MROH9: variants seen among roughly 807,000 people sequenced by gnomAD.
MROH9 encodes maestro heat-like repeat-containing protein family member 9.
In MROH9, 92 loss-of-function variants were observed where a neutral mutation model predicts 98.2. The ratio of observed to expected loss-of-function variants is 0.94; its 90% CI spans 0.79 to 1.11. The LOEUF (loss-of-function observed/expected upper bound fraction) is 1.11. Among genes scored for constraint, MROH9 ranks in the 50% most tolerant of loss-of-function variants. MROH9 has a pLI of 0.00. For synonymous variants in MROH9, 397 were observed against 368.9 expected (o/e 1.08, Z -0.87); for missense variants, 1,057 against 1,014.8 (o/e 1.04, Z -0.57).
chr1:171,011,049 T>C (rs994960231), intron 15 of MROH9, among the ~76,000 whole-genome samples: 21 of 152,208 alleles, frequency 1.4e-4, no homozygotes, highest in African/African-American at 5.1e-4. Context: ...TTGCCTAGGT[T>C]CTCTTCTAGG....
At chr1:171,058,658 T>C (rs1421395657) in intron 20 of MROH9, among the ~76,000 whole-genome samples, 18 of 152,066 alleles carry the variant, frequency 1.2e-4, no homozygotes, top group Non-Finnish European at 1.5e-5. Flanking sequence ...TATAGACCAA[T>C]GGAACAGAAA....
At chr1:170,970,809 G>A (rs552780721) in intron 7 of MROH9, among the ~76,000 whole-genome samples, 1 of 151,100 alleles carries the variant, frequency 6.6e-6, no homozygotes, top group Admixed American at 6.6e-5. Context: ...CACATAAAGG[G>A]CAGGGAAAAT....
intron 8 of MROH9, among the ~76,000 whole-genome samples, chr1:170,978,280 T>A (rs1406936574): frequency 6.6e-6 from 1 of 152,028 alleles, no homozygotes; most frequent in Non-Finnish European, 1.5e-5. Context: ...TGCTATAAGC[T>A]CAGGTGTAGC....
intron 8 of MROH9, among the ~76,000 whole-genome samples, chr1:170,976,579 T>G (rs146042287): frequency 3.9e-5 from 6 of 152,122 alleles, no homozygotes; most frequent in Non-Finnish European, 8.8e-5. Flanking sequence ...AAACCTCGTC[T>G]CTAATAAAAA....
At chr1:171,033,398 C>T (rs1276902381) in intron 20 of MROH9, among the ~76,000 whole-genome samples, 1 of 152,192 alleles carries the variant, frequency 6.6e-6, no homozygotes, top group Admixed American at 6.5e-5. Flanking sequence ...GGCGTGGGTT[C>T]GTGAATGGGA....
chr1:170,973,172 A>G (rs1348632253), intron 8 of MROH9, among the ~76,000 whole-genome samples: 1 of 152,176 alleles, frequency 6.6e-6, no homozygotes, highest in Non-Finnish European at 1.5e-5. Flanking sequence ...GCAGAGATCT[A>G]AAGAGAGCCC....
Position 171,024,248 on chromosome 1 carries a change from A to G in MROH9, c.1909-147A>G, listed in dbSNP as rs1652621597. On this transcript the variant is annotated intron_variant, in intron 17 of 21. Coordinates refer to ENST00000367759, the MANE Select transcript of MROH9 (RefSeq NM_001163629.2). ...TGAATTTTTTCTAAAAATAAATAAA[A>G]TTTCACATAGTGTATGTATATATAC... is the stretch of plus-strand genomic sequence containing the variant. The G allele has an allele frequency of 7.7e-6, 4 of 521,888 alleles. No homozygotes were observed. The South Asian group carries it at 2.1e-4, about 28-fold the overall frequency. The allele number at this position is 521,888 out of a possible 1,614,324, so 32.3% of individuals were successfully genotyped here. A position where few individuals can be genotyped will look rare whatever the true frequency, so the allele number is the denominator to read the frequency against.
chr1:170,965,213 C>G lies in MROH9; in HGVS notation c.438C>G (p.Ile146Met). Residue 146 changes from isoleucine to methionine, a missense_variant, in exon 7 of 22, where the codon ATC (isoleucine) becomes ATG (methionine). Ile to Met is a conservative substitution (Grantham distance 10, BLOSUM62 1). Coordinates refer to ENST00000367759, the MANE Select transcript of MROH9 (RefSeq NM_001163629.2). ...TGCAAGAGAGAATAATGGTGATCAT[C>G]AACAAGGTGTTAAGATTTACAGTCA... The part of the protein sequence containing the change: ...SYLQERIMVI[I>M]NKVLRFTVTK... The G allele has an allele frequency of 6.2e-7, 1 of 1,611,846 alleles. No homozygotes were observed. The highest frequency in any genetic ancestry group is 8.5e-7 in the Non-Finnish European group (1 of 1,178,354).
chr1:170,958,429 C>CTTTTTT, intron 3 of MROH9, 32 bp from the exon 4 acceptor site: 2 of 990,472 alleles, frequency 2.0e-6, no homozygotes, highest in Non-Finnish European at 2.9e-6. Flanking sequence ...ATTAATTCTT[C>CTTTTTT]TTTTTTTTTT....
chr1:171,015,290 T>G, intron 16 of MROH9: 1 of 297,930 alleles, frequency 3.4e-6, no homozygotes, highest in Non-Finnish European at 6.5e-6. Context: ...AGCAGCAAAT[T>G]ATTTATTGCT....
chr1:170,964,216 T>C (rs1336538329), intron 6 of MROH9, among the ~76,000 whole-genome samples: 2 of 152,042 alleles, frequency 1.3e-5, no homozygotes, highest in Non-Finnish European at 2.9e-5. Flanking sequence ...CAATAATATA[T>C]ATAATGCTAA....
intron 8 of MROH9, among the ~76,000 whole-genome samples, chr1:170,974,031 A>T (rs1650585955): frequency 1.3e-5 from 2 of 152,224 alleles, no homozygotes; most frequent in South Asian, 4.1e-4. Context: ...TCTGAGAAGA[A>T]AAATTCTCTG....
At chr1:171,020,839 C>T (rs1652493961) in intron 17 of MROH9, among the ~76,000 whole-genome samples, 1 of 152,042 alleles carries the variant, frequency 6.6e-6, no homozygotes, top group South Asian at 2.1e-4. Flanking sequence ...TGTTTGTGGA[C>T]ATGATTCTAT....
chr1:171,041,751 G>A (rs952015318), intron 20 of MROH9, among the ~76,000 whole-genome samples: 2 of 151,720 alleles, frequency 1.3e-5, no homozygotes, highest in African/African-American at 4.8e-5. Flanking sequence ...GGACTTTTTA[G>A]TAATAGCCAT....
chr1:171,023,739 C>CT (rs1384783057), intron 17 of MROH9, among the ~76,000 whole-genome samples: 1 of 152,056 alleles, frequency 6.6e-6, no homozygotes, highest in Admixed American at 6.6e-5. Flanking sequence ...CCTCACATAT[C>CT]TTTTTTGTGT....
intron 16 of MROH9, chr1:171,015,226 T>C (rs1051150164): frequency 1.2e-5 from 4 of 347,826 alleles, no homozygotes; most frequent in African/African-American, 8.6e-5. Context: ...TCTGTTTACT[T>C]TAAATAAATA....
intron 8 of MROH9, among the ~76,000 whole-genome samples, chr1:170,977,559 T>C (rs1321491882): frequency 6.6e-6 from 1 of 152,188 alleles, no homozygotes; most frequent in Non-Finnish European, 1.5e-5. Context: ...GGCACAGTGA[T>C]CAGTTGGTAG....
At chr1:170,994,722 A>G (rs948447562) in intron 12 of MROH9, among the ~76,000 whole-genome samples, 1 of 152,040 alleles carries the variant, frequency 6.6e-6, no homozygotes, top group Admixed American at 6.6e-5. Context: ...ATGCCCATTA[A>G]CCATCCCCAC....
Position 170,961,943 on chromosome 1 carries a change from G to T in MROH9, c.342G>T (p.Val114=). ...ATGAGAACATTCTTACGAGCTTGGT[G>T]TCTAAAGACCTCTACAAACTACAGA... ...NIYENILTSL[V]SKDLYKLQIL... Residue 114 remains valine, a synonymous_variant, in exon 6 of 22, where the codon GTG becomes GTT. Coordinates refer to ENST00000367759, the MANE Select transcript of MROH9 (RefSeq NM_001163629.2). 1 of 1,540,128 alleles carries T rather than the reference G, an allele frequency of 6.5e-7. No individual in the cohort carries two copies. Among genetic ancestry groups the T allele is most frequent in the Non-Finnish European group, 8.8e-7 (1 of 1,138,274 alleles).
Sources: gnomAD v4.1 joint callset for allele counts (sites outside exome capture counted in the v4.1 genomes callset) on GRCh38, gnomAD v4.1.1 for gene constraint, MANE v1.5 for transcripts, NCBI Gene and HGNC (gene_info 2026-07-23, HGNC 2026-07-21) for gene names.